Variants in BLNK observed in about 807,000 individuals in gnomAD.
BLNK encodes the protein B-cell linker protein.
Under a neutral mutation model 73.5 loss-of-function variants are expected in BLNK, and 29 were observed. The observed-to-expected ratio is 0.39, with a 90% confidence interval of 0.29 to 0.54. BLNK has a LOEUF of 0.54. Ranked by LOEUF, BLNK falls within the 20% of genes least tolerant of loss-of-function variation. The pLI is 0.61. For synonymous variants in BLNK, 176 were observed against 200.8 expected (o/e 0.88, Z 1.04); for missense variants, 460 against 562.8 (o/e 0.82, Z 1.85).
At chr10:96,210,162 G>A (rs1172820667) in intron 8 of BLNK, 2 of 522,134 alleles carry the variant, frequency 3.8e-6, no homozygotes, top group Non-Finnish European at 7.0e-6. Context: ...ATTTCTAAAG[G>A]ACCTTCTCCT....
intron 1 of BLNK, among the ~76,000 whole-genome samples, chr10:96,259,092 C>T (rs1843637476): frequency 6.6e-6 from 1 of 152,240 alleles, no homozygotes; most frequent in Non-Finnish European, 1.5e-5. Flanking sequence ...CTGGATGATA[C>T]AGGCTAACTT....
intron 8 of BLNK, among the ~76,000 whole-genome samples, chr10:96,212,608 C>CAAA (rs2083974974): frequency 4.6e-5 from 7 of 152,148 alleles, no homozygotes; most frequent in Non-Finnish European, 8.8e-5. Context: ...CAGGGGCTGT[C>CAAA]ACTGCACCAG....
chr10:96,252,415 A>C (rs1286535311), intron 1 of BLNK, among the ~76,000 whole-genome samples: 1 of 152,200 alleles, frequency 6.6e-6, no homozygotes, highest in Non-Finnish European at 1.5e-5. Context: ...TCCTTTGTGC[A>C]TGTCTATGAT....
At chr10:96,262,691 G>A (rs886194065) in intron 1 of BLNK, among the ~76,000 whole-genome samples, 12 of 152,168 alleles carry the variant, frequency 7.9e-5, no homozygotes, top group Admixed American at 2.6e-4. Context: ...ACGATTGTGG[G>A]AGCATTCTTT....
intron 3 of BLNK, among the ~76,000 whole-genome samples, chr10:96,231,350 A>G (rs1842491097): frequency 6.6e-6 from 1 of 152,166 alleles, no homozygotes; most frequent in Non-Finnish European, 1.5e-5. Context: ...GTTAAAAAAA[A>G]ATTATCCAAT....
intron 1 of BLNK, among the ~76,000 whole-genome samples, chr10:96,249,471 C>A (rs1405227757): frequency 6.6e-6 from 1 of 152,250 alleles, no homozygotes; most frequent in Non-Finnish European, 1.5e-5. Context: ...CATGCTGGTG[C>A]TCTGCTGGGT....
At chr10:96,240,205 A>G (rs1238770484) in intron 3 of BLNK, among the ~76,000 whole-genome samples, 1 of 152,136 alleles carries the variant, frequency 6.6e-6, no homozygotes, top group Non-Finnish European at 1.5e-5. Flanking sequence ...CAGCACTGTA[A>G]GGTCAGGGGT....
At chr10:96,232,559 C>T (rs587593829) in intron 3 of BLNK, among the ~76,000 whole-genome samples, 17 of 152,140 alleles carry the variant, frequency 1.1e-4, no homozygotes, top group South Asian at 2.1e-4. Flanking sequence ...TAAGCAATGG[C>T]GGCAGCAGCA....
At chr10:96,224,864 A>C (rs1554902117) in intron 5 of BLNK, among the ~76,000 whole-genome samples, 1 of 151,800 alleles carries the variant, frequency 6.6e-6, no homozygotes, top group East Asian at 1.9e-4. Flanking sequence ...TGCCTGGCTA[A>C]TTTTTGTATT....
At chr10:96,245,947 C>T (rs1462201367) in intron 2 of BLNK, among the ~76,000 whole-genome samples, 6 of 152,092 alleles carry the variant, frequency 3.9e-5, no homozygotes, top group African/African-American at 1.4e-4. Context: ...TCATACAATT[C>T]TGGCCTCTTT....
intron 3 of BLNK, among the ~76,000 whole-genome samples, chr10:96,240,075 C>T (rs1842835478): frequency 2.0e-5 from 3 of 152,204 alleles, no homozygotes; most frequent in East Asian, 1.9e-4. Context: ...TCTTCTCCTA[C>T]CCCACACTGA....
At chr10:96,211,361 G>A (rs1293766992) in intron 8 of BLNK, among the ~76,000 whole-genome samples, 2 of 152,166 alleles carry the variant, frequency 1.3e-5, no homozygotes, top group Admixed American at 1.3e-4. Context: ...AGGAAGAGGT[G>A]AAGAAGCAGA....
Position 96,203,972 on chromosome 10 carries a change from T to G in BLNK, c.934+85A>C, listed in dbSNP as rs1438833280. 13 of 1,135,540 alleles carry G rather than the reference T, an allele frequency of 1.1e-5. No homozygotes were observed. In the East Asian group the frequency reaches 3.1e-4, roughly 27 times the overall value. 70.3% of individuals were successfully genotyped at this position (1,135,540 alleles called of 1,614,324 possible). Reference sequence around the variant, plus strand: ...AGGATAACGCAGCTGGAAGCGACAGTGCTGTGTTAGAACCCAGGCCTATCA... The same window carrying G: ...AGGATAACGCAGCTGGAAGCGACAGGGCTGTGTTAGAACCCAGGCCTATCA... On this transcript the variant is annotated intron_variant, in intron 13 of 16. Coordinates refer to ENST00000224337, the MANE Select transcript of BLNK (RefSeq NM_013314.4).
At chr10:96,199,892 C>T in intron 15 of BLNK, 183 bp downstream of exon 15, 1 of 323,780 alleles carries the variant, frequency 3.1e-6, no homozygotes, top group Non-Finnish European at 5.5e-6. Flanking sequence ...GGCTTGGGGG[C>T]ACACACATGT....
chr10:96,209,516 C>T (rs1466019465), intron 9 of BLNK, among the ~76,000 whole-genome samples: 1 of 152,152 alleles, frequency 6.6e-6, no homozygotes, highest in African/African-American at 2.4e-5. Flanking sequence ...CCTCAGCCTC[C>T]CAAGTAGCTG....
chr10:96,256,462 T>A (rs1402123449), intron 1 of BLNK, among the ~76,000 whole-genome samples: 2 of 152,202 alleles, frequency 1.3e-5, no homozygotes, highest in Non-Finnish European at 1.5e-5. Context: ...ACTTCCTCCT[T>A]TTTTAGGTGT....
At chr10:96,243,791 C>T (rs1458403582) in intron 2 of BLNK, among the ~76,000 whole-genome samples, 4 of 151,904 alleles carry the variant, frequency 2.6e-5, no homozygotes, top group African/African-American at 9.7e-5. Context: ...CTGATACCTC[C>T]CTTTCCACTA....
chr10:96,226,070 T>G (rs1299293709), intron 5 of BLNK, among the ~76,000 whole-genome samples: 1 of 152,144 alleles, frequency 6.6e-6, no homozygotes, highest in African/African-American at 2.4e-5. Flanking sequence ...CAGAGCCGAG[T>G]TGTGATGAGC....
At chr10:96,234,693 C>T (rs17111487) in intron 3 of BLNK, among the ~76,000 whole-genome samples, 2,034 of 152,264 alleles carry the variant, frequency 0.013, 42 homozygotes, top group African/African-American at 0.046. Flanking sequence ...GTAATGTTAC[C>T]GTCATCTTGA....
Sources: allele counts gnomAD v4.1 joint callset (sites outside exome capture counted in the v4.1 genomes callset), GRCh38; gene constraint gnomAD v4.1.1; transcripts MANE v1.5; gene names NCBI Gene and HGNC (gene_info 2026-07-23, HGNC 2026-07-21).